The following RASSF5 variants were observed in gnomAD, a reference collection of about 807,000 sequenced individuals.
RASSF5 encodes the protein Ras association domain family member 5, also known as ras association domain-containing protein 5.
A neutral mutation model predicts 40.5 loss-of-function variants in RASSF5; 25 were observed. The ratio of observed to expected loss-of-function variants is 0.62; its 90% CI spans 0.45 to 0.86. The LOEUF is 0.86. Among genes scored for constraint, RASSF5 ranks in the 40% least tolerant of loss-of-function variants. RASSF5 has a pLI of 0.00. For synonymous variants in RASSF5, 246 were observed against 252.4 expected, an observed-to-expected ratio of 0.97 and a Z score of 0.24; for missense variants, 521 against 572.8, an observed-to-expected ratio of 0.91 and a Z score of 0.92.
chr1:206,540,507 G>A (rs973503898), intron 2 of RASSF5, among the ~76,000 whole-genome samples: 2 of 152,240 alleles, frequency 1.3e-5, no homozygotes, highest in African/African-American at 2.4e-5. Context: ...CCCCCAGTGG[G>A]CAAACAGCCT....
chr1:206,528,265 A>T (rs1486138206), intron 1 of RASSF5, among the ~76,000 whole-genome samples: 1 of 152,196 alleles, frequency 6.6e-6, no homozygotes, highest in Non-Finnish European at 1.5e-5. Flanking sequence ...CAGGGAGATA[A>T]TACTAAGTGA....
chr1:206,584,448 C>T lies in RASSF5; in HGVS notation c.752C>T (p.Thr251Met), dbSNP rs201563198. 4.0e-5 allele frequency: 65 copies of T among 1,614,140 alleles called. No individual in the cohort carries two copies. The highest frequency in any genetic ancestry group is 3.0e-4 in the Admixed American group (18 of 60,022). ...KVHLKLRRPV[T>M]VPAGIRPQSI... ...CATCTGAAACTCCGGCGGCCTGTGACGGTGCCTGCTGGGATCCGGCCCCAG... is the reference window on the plus strand; with the variant it reads ...CATCTGAAACTCCGGCGGCCTGTGATGGTGCCTGCTGGGATCCGGCCCCAG... The change falls in exon 4 of 6, where the codon ACG becomes ATG. Residue 251 changes from threonine to methionine, a missense_variant. By Grantham distance (81) the Thr-to-Met change is moderately conservative. This residue lies in a region of RASSF5 where 284 missense variants were observed against 360.8 expected (regional missense o/e 0.79). Transcript: ENST00000579436. This position sits in a 1 kb window ranked among gnomAD's most constrained non-coding sequence, Gnocchi z 4.9.
intron 1 of RASSF5, among the ~76,000 whole-genome samples, chr1:206,529,971 C>T (rs894639638): frequency 1.3e-5 from 2 of 151,990 alleles, no homozygotes; most frequent in African/African-American, 2.4e-5. Context: ...ACACATATTG[C>T]CCAGTCATAG....
At chr1:206,583,789 C>T (rs1353618948) in intron 3 of RASSF5, 1 of 193,774 alleles carries the variant, frequency 5.2e-6, no homozygotes, top group Non-Finnish European at 1.1e-5. Flanking sequence ...GGAGGGCACC[C>T]AACTTAGCAC....
At chr1:206,523,856 A>G (rs1271208811) in intron 1 of RASSF5, among the ~76,000 whole-genome samples, 2 of 109,200 alleles carry the variant, frequency 1.8e-5, no homozygotes, top group Admixed American at 2.7e-4. Context: ...ACTATACAAT[A>G]TATTTTATAT....
At chr1:206,550,237 T>A (rs1040828104) in intron 2 of RASSF5, among the ~76,000 whole-genome samples, 1 of 151,994 alleles carries the variant, frequency 6.6e-6, no homozygotes, top group African/African-American at 2.4e-5. Flanking sequence ...TTGTATCCAT[T>A]TTTTTGGTTG....
chr1:206,557,566 CGGGG>C, intron 2 of RASSF5: 1 of 1,613,802 alleles, frequency 6.2e-7, no homozygotes, highest in Non-Finnish European at 8.5e-7. Flanking sequence ...CCGGGAACTC[CGGGG>C]TAGATGACCG....
At chr1:206,578,302 G>A (rs1442417099) in intron 2 of RASSF5, among the ~76,000 whole-genome samples, 1 of 151,462 alleles carries the variant, frequency 6.6e-6, no homozygotes, top group African/African-American at 2.4e-5. Flanking sequence ...GTATAGTGTT[G>A]CCTTTAGATG....
At chr1:206,574,716 C>T (rs1668571105) in intron 2 of RASSF5, among the ~76,000 whole-genome samples, 1 of 152,146 alleles carries the variant, frequency 6.6e-6, no homozygotes. Flanking sequence ...GAAATCAACC[C>T]CTTCACTGCT....
At position 206,523,806 on chromosome 1, in the gene RASSF5, CAATATATTTTATATATTATATAT is replaced by C. The variant is rs1204580131; in HGVS notation, c.458-14349_458-14327del. ...TATAATATATTTTATATATAATGTA[CAATATATTTTATATATTATATAT>C]AATATATTTTATATATACTATACAA... is the stretch of plus-strand genomic sequence containing the variant. On this transcript the variant is annotated intron_variant, in intron 1 of 5. Transcript: ENST00000579436. 1.1e-4 allele frequency among the ~76,000 whole-genome samples: 10 copies of C among 93,208 alleles called. 1 individual carries two copies. The East Asian group carries it at 1.4e-3, about 13-fold the overall frequency. 61.1% of individuals were successfully genotyped at this position (93,208 alleles called of 152,430 possible). A position where few individuals can be genotyped will look rare whatever the true frequency, so the allele number is the denominator to read the frequency against.
At chr1:206,567,367 G>A (rs981986621) in intron 2 of RASSF5, among the ~76,000 whole-genome samples, 8 of 152,332 alleles carry the variant, frequency 5.3e-5, no homozygotes, top group African/African-American at 1.9e-4. Flanking sequence ...AGATTGGGGA[G>A]GAAGAAACCC....
intron 2 of RASSF5, among the ~76,000 whole-genome samples, chr1:206,538,686 C>T (rs1667475993): frequency 6.6e-6 from 1 of 152,204 alleles, no homozygotes; most frequent in South Asian, 2.1e-4. Context: ...CCAGCCCAAC[C>T]TTCAGAGAGG....
At chr1:206,546,306 G>A (rs531166668) in intron 2 of RASSF5, among the ~76,000 whole-genome samples, 3 of 151,214 alleles carry the variant, frequency 2.0e-5, no homozygotes, top group South Asian at 2.1e-4. Flanking sequence ...ACCGGGTTTC[G>A]CCATGTTGCC....
intron 2 of RASSF5, among the ~76,000 whole-genome samples, chr1:206,551,362 C>T (rs541957181): frequency 5.3e-4 from 81 of 152,344 alleles, no homozygotes; most frequent in African/African-American, 1.9e-3. Context: ...GCCAGTCCCC[C>T]GCTCCCTCCA....
chr1:206,531,667 G>A lies in RASSF5; in HGVS notation c.458-6505G>A, dbSNP rs1297010058. On this transcript the variant is annotated intron_variant, in intron 1 of 5. Coordinates refer to ENST00000579436, the MANE Select transcript of RASSF5 (RefSeq NM_182663.4). This position sits in a 1 kb window ranked among gnomAD's most constrained non-coding sequence, Gnocchi z 4.7. ...CTTAAAGGAGAATCCCCTTGAAAAG[G>A]GATTGAAGACAGGTACCATGAGATG... Among the ~76,000 whole-genome samples, 1 of 152,178 alleles carries A rather than the reference G, an allele frequency of 6.6e-6. No individual in the cohort carries two copies.
chr1:206,534,514 C>T (rs969852648), intron 1 of RASSF5, among the ~76,000 whole-genome samples: 4 of 152,116 alleles, frequency 2.6e-5, no homozygotes, highest in Non-Finnish European at 5.9e-5. Context: ...AATCCCCTGC[C>T]TCCTCTTGGC....
chr1:206,522,224 C>A (rs1214018356), intron 1 of RASSF5, among the ~76,000 whole-genome samples: 9 of 152,214 alleles, frequency 5.9e-5, no homozygotes, highest in African/African-American at 1.7e-4. Flanking sequence ...TCAGTCAGCA[C>A]ATGGTGAGTG....
intron 1 of RASSF5, among the ~76,000 whole-genome samples, chr1:206,524,035 T>A (rs1423053183): frequency 2.5e-5 from 3 of 121,106 alleles, no homozygotes; most frequent in African/African-American, 9.4e-5. Context: ...ATACCATATA[T>A]AATATATTTT....
chr1:206,557,131 G>C (rs1005352630), intron 2 of RASSF5: 52 of 990,416 alleles, frequency 5.3e-5, no homozygotes, highest in East Asian at 2.2e-4. Context: ...CAGCCGAGCC[G>C]GCTTTGAGGA....
Sources: gnomAD v4.1 joint callset for allele counts (sites outside exome capture counted in the v4.1 genomes callset) on GRCh38, gnomAD v4.1.1 for gene constraint, gnomAD v4.1.1 regional missense constraint, Gnocchi (gnomAD v3.1) non-coding constraint, MANE v1.5 for transcripts, NCBI Gene and HGNC (gene_info 2026-07-23, HGNC 2026-07-21) for gene names.